UGT3A2: variants seen among roughly 807,000 people sequenced by gnomAD.
UGT3A2 encodes the protein UDP-glycosyltransferase 3A2.
UGT3A2 carries 32 observed loss-of-function variants against 39.8 expected under a neutral mutation model. That is an observed-to-expected ratio of 0.80 (90% CI 0.61 to 1.08). UGT3A2 has a LOEUF of 1.08. Among genes scored for constraint, UGT3A2 ranks in the 50% least tolerant of loss-of-function variants. UGT3A2 has a pLI of 0.00. For missense variants in UGT3A2, 611 were observed against 637.1 expected, an observed-to-expected ratio of 0.96 and a Z score of 0.44; for synonymous variants, 241 against 230.7, an observed-to-expected ratio of 1.04 and a Z score of -0.40.
At chr5:36,036,467 G>A (rs1403706144) in intron 6 of UGT3A2, among the ~76,000 whole-genome samples, 2 of 152,124 alleles carry the variant, frequency 1.3e-5, no homozygotes, top group African/African-American at 2.4e-5. Flanking sequence ...TCACCATGTC[G>A]AAGTTCTCAA....
At chr5:36,039,132 A>G (rs58939051) in intron 5 of UGT3A2, among the ~76,000 whole-genome samples, 1 of 152,318 alleles carries the variant, frequency 6.6e-6, no homozygotes, top group East Asian at 1.9e-4. Context: ...AACCCCTAGT[A>G]TATACATTCA....
chr5:36,037,650 A>C (rs1275594591), intron 6 of UGT3A2, 147 bp downstream of exon 6: 2 of 796,522 alleles, frequency 2.5e-6, no homozygotes, highest in Non-Finnish European at 4.0e-6. Context: ...AGCTGTTGGC[A>C]TCACACACAT....
chr5:36,056,404 C>G (rs1742513510), intron 2 of UGT3A2, among the ~76,000 whole-genome samples: 1 of 152,218 alleles, frequency 6.6e-6, no homozygotes, highest in African/African-American at 2.4e-5. Context: ...ACAGTTGAGA[C>G]TCCATTCATC....
At chr5:36,040,164 G>A (rs1480765180) in intron 4 of UGT3A2, among the ~76,000 whole-genome samples, 2 of 152,138 alleles carry the variant, frequency 1.3e-5, no homozygotes, top group African/African-American at 4.8e-5. Flanking sequence ...TACCCTTTCA[G>A]TGTGTTTTCC....
intron 2 of UGT3A2, among the ~76,000 whole-genome samples, chr5:36,060,908 C>A (rs899383544): frequency 3.3e-5 from 5 of 152,300 alleles, no homozygotes; most frequent in Admixed American, 2.0e-4. Flanking sequence ...GTAATCCCAG[C>A]ACTTTGGAAG....
intron 4 of UGT3A2, among the ~76,000 whole-genome samples, chr5:36,045,875 C>A (rs558207612): frequency 1.3e-5 from 2 of 152,180 alleles, no homozygotes; most frequent in African/African-American, 4.8e-5. Flanking sequence ...GTAAATTCTT[C>A]TTCTGACAAA....
chr5:36,052,761 A>G (rs1287929192), intron 2 of UGT3A2, among the ~76,000 whole-genome samples: 1 of 151,914 alleles, frequency 6.6e-6, no homozygotes, highest in Non-Finnish European at 1.5e-5. Flanking sequence ...AAAATACCTC[A>G]CCCTATGAGT....
At position 36,037,943 on chromosome 5, in the gene UGT3A2, C is replaced by T; in HGVS notation, c.1149G>A (p.Val383=). 6.2e-7 allele frequency: 1 copy of T among 1,614,142 alleles called. No homozygotes were observed. Among genetic ancestry groups the T allele is most frequent in the Non-Finnish European group, 8.5e-7 (1 of 1,180,012 alleles). ...NSIMEAIQHG[V]PMVGIPLFGD... ...CAAAGAGAGGGATCCCCACCATGGG[C>T]ACACCATGCTGGATGGCCTCCATTA... The change falls in exon 6 of 7, where the codon GTG becomes GTA. Residue 383 remains valine (V), a synonymous_variant. Coordinates refer to ENST00000282507, the MANE Select transcript of UGT3A2 (RefSeq NM_174914.4).
chr5:36,046,335 T>G (rs1224656368), intron 4 of UGT3A2, among the ~76,000 whole-genome samples: 1 of 152,220 alleles, frequency 6.6e-6, no homozygotes, highest in Non-Finnish European at 1.5e-5. Flanking sequence ...CACTATTCGC[T>G]GTAGCCAAGA....
At chr5:36,042,355 G>A (rs1742036766) in intron 4 of UGT3A2, among the ~76,000 whole-genome samples, 1 of 151,952 alleles carries the variant, frequency 6.6e-6, no homozygotes, top group African/African-American at 2.4e-5. Flanking sequence ...TGCAAGCCTT[G>A]TAGTAACCTC....
At chr5:36,045,253 T>TA (rs369389885) in intron 4 of UGT3A2, among the ~76,000 whole-genome samples, 52 of 151,256 alleles carry the variant, frequency 3.4e-4, no homozygotes, top group East Asian at 3.3e-3. Flanking sequence ...TGAATGGTGC[T>TA]AAAAAAAAAC....
chr5:36,035,978 T>C lies in UGT3A2; in HGVS notation c.1296-4A>G, dbSNP rs376326673. On this transcript the variant is annotated splice_polypyrimidine_tract_variant and splice_region_variant and intron_variant, in intron 6 of 6. Coordinates refer to ENST00000282507, the MANE Select transcript of UGT3A2 (RefSeq NM_174914.4). Reference sequence around the variant, plus strand: ...AGCCACTGCCGCGGACTTGTATCTGTTGAGAGAGATAGAGAGGGGGCATTA... The same window carrying C: ...AGCCACTGCCGCGGACTTGTATCTGCTGAGAGAGATAGAGAGGGGGCATTA... 5 of 1,611,982 alleles carry C rather than the reference T, an allele frequency of 3.1e-6. No homozygotes were observed. In the African/African-American group the frequency reaches 6.7e-5, roughly 22 times the overall value.
chr5:36,059,176 G>T (rs1454110393), intron 2 of UGT3A2, among the ~76,000 whole-genome samples: 2 of 151,974 alleles, frequency 1.3e-5, no homozygotes, highest in Non-Finnish European at 2.9e-5. Flanking sequence ...TCTGGGAGCA[G>T]AAAAAACTAA....
At chr5:36,052,321 T>A (rs993501533) in intron 2 of UGT3A2, among the ~76,000 whole-genome samples, 6 of 152,224 alleles carry the variant, frequency 3.9e-5, no homozygotes, top group Non-Finnish European at 8.8e-5. Flanking sequence ...ACAAAAACAA[T>A]CATTTTTATT....
At chr5:36,052,119 A>G (rs571954628) in intron 2 of UGT3A2, 135 bp from the exon 3 acceptor site, 7 of 617,854 alleles carry the variant, frequency 1.1e-5, no homozygotes, top group African/African-American at 1.9e-5. Flanking sequence ...TTTTTAATGT[A>G]TGCGTTTATT....
chr5:36,045,857 A>T (rs1235405943), intron 4 of UGT3A2, among the ~76,000 whole-genome samples: 1 of 152,170 alleles, frequency 6.6e-6, no homozygotes, highest in Admixed American at 6.5e-5. Flanking sequence ...ATGGGAAAAA[A>T]TATGTGTGTA....
At chr5:36,047,681 C>T (rs1329055115) in intron 4 of UGT3A2, among the ~76,000 whole-genome samples, 2 of 152,158 alleles carry the variant, frequency 1.3e-5, no homozygotes, top group Non-Finnish European at 2.9e-5. Context: ...TATATTGTCT[C>T]ACAGCCATTA....
chr5:36,063,970 T>C (rs1742797635), intron 2 of UGT3A2, among the ~76,000 whole-genome samples: 1 of 152,248 alleles, frequency 6.6e-6, no homozygotes, highest in South Asian at 2.1e-4. Flanking sequence ...TCTTATAAAG[T>C]AGTATTTGTT....
intron 6 of UGT3A2, among the ~76,000 whole-genome samples, chr5:36,036,304 A>G (rs1741829385): frequency 6.6e-6 from 1 of 152,164 alleles, no homozygotes. Context: ...CAGTCTCTAG[A>G]TGGGGTGACA....
Sources: gnomAD v4.1 joint callset for allele counts (sites outside exome capture counted in the v4.1 genomes callset) on GRCh38, gnomAD v4.1.1 for gene constraint, MANE v1.5 for transcripts, NCBI Gene and HGNC (gene_info 2026-07-23, HGNC 2026-07-21) for gene names.